The following SLC25A48 variants were observed in gnomAD, a reference collection of about 807,000 sequenced individuals.
SLC25A48 encodes the protein CTC-321K16.1.
A neutral mutation model predicts 32.2 loss-of-function variants in SLC25A48; 29 were observed. That is an observed-to-expected ratio of 0.90 (90% CI 0.67 to 1.23). The LOEUF (loss-of-function observed/expected upper bound fraction) is 1.23, where lower values mean the gene tolerates loss of function less well. Among genes scored for constraint, SLC25A48 ranks in the 50% most tolerant of loss-of-function variants. SLC25A48 has a pLI of 0.00. For missense variants in SLC25A48, 399 were observed against 422.7 expected, an observed-to-expected ratio of 0.94 and a Z score of 0.49; for synonymous variants, 164 against 172.3, an observed-to-expected ratio of 0.95 and a Z score of 0.38.
At chr5:135,626,349 A>T (rs1752440276) in intron 1 of SLC25A48, among the ~76,000 whole-genome samples, 2 of 152,230 alleles carry the variant, frequency 1.3e-5, no homozygotes, top group African/African-American at 2.4e-5. Context: ...TGGGTGCGTG[A>T]CCTCTGCTTA....
At chr5:135,726,441 G>T (rs1350352921) in intron 3 of SLC25A48, among the ~76,000 whole-genome samples, 5 of 152,066 alleles carry the variant, frequency 3.3e-5, no homozygotes, top group African/African-American at 1.2e-4. Flanking sequence ...CCCTCATGTT[G>T]CCCTTTTTGG....
intron 1 of SLC25A48, among the ~76,000 whole-genome samples, chr5:135,599,022 T>C (rs1751724842): frequency 6.6e-6 from 1 of 152,068 alleles, no homozygotes; most frequent in Admixed American, 6.6e-5. Flanking sequence ...TAACGAGGTG[T>C]GTCTGACCTC....
intron 4 of SLC25A48, among the ~76,000 whole-genome samples, chr5:135,859,911 A>G (rs549315979): frequency 1.3e-5 from 2 of 152,270 alleles, no homozygotes; most frequent in South Asian, 4.2e-4. Flanking sequence ...GGAAGTTTGC[A>G]TATCTTGTGA....
chr5:135,862,835 G>C (rs1385363578), intron 4 of SLC25A48, among the ~76,000 whole-genome samples: 1 of 152,186 alleles, frequency 6.6e-6, no homozygotes, highest in African/African-American at 2.4e-5. Flanking sequence ...AGGGATGGTG[G>C]GGGTTTTGGA....
chr5:135,672,185 A>G (rs1276394513), intron 3 of SLC25A48, among the ~76,000 whole-genome samples: 1 of 152,220 alleles, frequency 6.6e-6, no homozygotes, highest in East Asian at 1.9e-4. Flanking sequence ...ACTTGTATGT[A>G]ACCCAATCAC....
intron 4 of SLC25A48, chr5:135,826,552 C>T (rs941731097): frequency 1.3e-5 from 2 of 152,346 alleles, no homozygotes; most frequent in South Asian, 2.1e-4. Flanking sequence ...GTAAATAAAT[C>T]GTGCACCTTG....
At chr5:135,774,617 A>G (rs1197673203) in intron 3 of SLC25A48, among the ~76,000 whole-genome samples, 2 of 151,792 alleles carry the variant, frequency 1.3e-5, no homozygotes, top group African/African-American at 2.4e-5. Flanking sequence ...CCTATTATCC[A>G]GAGGGAAAGA....
intron 3 of SLC25A48, among the ~76,000 whole-genome samples, chr5:135,660,538 G>T (rs1345270243): frequency 6.6e-6 from 1 of 152,170 alleles, no homozygotes; most frequent in Non-Finnish European, 1.5e-5. Flanking sequence ...AACTATGCAG[G>T]CTCCAGAGGC....
chr5:135,730,504 CTCTT>C (rs1755198703), intron 3 of SLC25A48, among the ~76,000 whole-genome samples: 1 of 152,202 alleles, frequency 6.6e-6, no homozygotes, highest in Non-Finnish European at 1.5e-5. Flanking sequence ...CCAATTAAAC[CTCTT>C]TCTTTTATAA....
rs745668429 is a variant in SLC25A48 at position 135,879,605 on chromosome 5, A to AGTGTGTGTGT, written c.814-362_814-361insTGTGTGTGTG. Among the ~76,000 whole-genome samples the AGTGTGTGTGT allele has an allele frequency of 4.9e-3, 669 of 135,194 alleles. 5 individuals are homozygous for AGTGTGTGTGT. The highest frequency in any genetic ancestry group is 6.2e-3 in the African/African-American group (173 of 27,914). The allele number at this position is 135,194 out of a possible 152,430, so 88.7% of individuals were successfully genotyped here. ...CGAGGAGAGAGAGAGAGAGAGAGAG[A>AGTGTGTGTGT]GAGAGAGTGTGTGTGTGTGTGTGTG... is the stretch of plus-strand genomic sequence containing the variant. On this transcript the variant is annotated intron_variant, in intron 6 of 7. Coordinates refer to ENST00000681962, the MANE Select transcript of SLC25A48 (RefSeq NM_001349336.2).
intron 3 of SLC25A48, among the ~76,000 whole-genome samples, chr5:135,710,485 A>G (rs1304085022): frequency 6.6e-6 from 1 of 152,214 alleles, no homozygotes; most frequent in African/African-American, 2.4e-5. Flanking sequence ...TTATGTCATG[A>G]AACAAGTGTG....
intron 3 of SLC25A48, among the ~76,000 whole-genome samples, chr5:135,741,275 A>G (rs1369433328): frequency 6.6e-6 from 1 of 152,222 alleles, no homozygotes; most frequent in Non-Finnish European, 1.5e-5. Context: ...TCCAGAGGGC[A>G]GCACAGGGTA....
At chr5:135,589,397 G>T (rs1751454660) in intron 1 of SLC25A48, among the ~76,000 whole-genome samples, 1 of 152,204 alleles carries the variant, frequency 6.6e-6, no homozygotes, top group Non-Finnish European at 1.5e-5. Flanking sequence ...AGTCTGCCTG[G>T]TCCCTGATAG....
At chr5:135,818,097 CT>C (rs1757781180) in intron 4 of SLC25A48, among the ~76,000 whole-genome samples, 6 of 141,064 alleles carry the variant, frequency 4.3e-5, no homozygotes, top group Non-Finnish European at 7.7e-5. Flanking sequence ...CTCTCTCTCT[CT>C]CTCTCTCTCT....
intron 4 of SLC25A48, among the ~76,000 whole-genome samples, chr5:135,859,553 C>T (rs1298714033): frequency 6.6e-6 from 1 of 152,182 alleles, no homozygotes; most frequent in Non-Finnish European, 1.5e-5. Flanking sequence ...CCAGCCACAC[C>T]ACGTGGGAGA....
intron 3 of SLC25A48, among the ~76,000 whole-genome samples, chr5:135,722,624 A>G (rs1181161519): frequency 3.1e-4 from 47 of 152,330 alleles, no homozygotes; most frequent in African/African-American, 2.4e-5. Flanking sequence ...CTCACTGCTG[A>G]AAGGGAATTA....
At chr5:135,638,639 G>C (rs1369588448) in intron 3 of SLC25A48, among the ~76,000 whole-genome samples, 1 of 152,226 alleles carries the variant, frequency 6.6e-6, no homozygotes, top group Non-Finnish European at 1.5e-5. Flanking sequence ...GGGATAGGAT[G>C]AAAGAAATTT....
chr5:135,696,632 T>C lies in SLC25A48; in HGVS notation c.-521+61676T>C, dbSNP rs74951522. Reference sequence around the variant, plus strand: ...CAATGGAACTAGGACAGGTCCTGGATTGTCACTGGAGGCAGGTTCTAACCT... The same window carrying C: ...CAATGGAACTAGGACAGGTCCTGGACTGTCACTGGAGGCAGGTTCTAACCT... On this transcript the variant is annotated intron_variant, in intron 3 of 10. Transcript: ENST00000646290. Among the ~76,000 whole-genome samples the C allele has an allele frequency of 4.8e-3, 730 of 152,346 alleles. 2 individuals are homozygous for C. Among genetic ancestry groups the C allele is most frequent in the Non-Finnish European group, 7.2e-3 (493 of 68,026 alleles).
intron 3 of SLC25A48, among the ~76,000 whole-genome samples, chr5:135,768,570 GTT>G (rs1756310461): frequency 6.6e-6 from 1 of 151,474 alleles, no homozygotes; most frequent in East Asian, 1.9e-4. Flanking sequence ...CTGTGACATA[GTT>G]CATAATATCC....
Sources: gnomAD v4.1 joint callset for allele counts (sites outside exome capture counted in the v4.1 genomes callset) on GRCh38, gnomAD v4.1.1 for gene constraint, MANE v1.5 for transcripts, NCBI Gene and HGNC (gene_info 2026-07-23, HGNC 2026-07-21) for gene names.